The following HNRNPA1 variants were observed in gnomAD, a reference collection of about 807,000 sequenced individuals.
The protein encoded by HNRNPA1 is heterogeneous nuclear ribonucleoprotein A1, also known as epididymis secretory sperm binding protein.
Under a neutral mutation model 44.4 loss-of-function variants are expected in HNRNPA1, and 7 were observed. That is an observed-to-expected ratio of 0.16 (90% confidence interval 0.09 to 0.30). The LOEUF (loss-of-function observed/expected upper bound fraction) is 0.30, where lower values mean the gene tolerates loss of function less well. Ranked by LOEUF, HNRNPA1 falls within the 10% of genes least tolerant of loss-of-function variation. The probability of loss-of-function intolerance (pLI) is 1.00; values close to 1 mark genes in which losing one functional copy is unlikely to be tolerated. For missense variants in HNRNPA1, 193 were observed against 465.8 expected, an observed-to-expected ratio of 0.41 and a Z score of 5.39; for synonymous variants, 169 against 160.6, an observed-to-expected ratio of 1.05 and a Z score of -0.40.
Position 54,281,137 on chromosome 12 carries a change from T to C in HNRNPA1, c.16-249T>C, listed in dbSNP as rs1053289886. 4 of 700,190 alleles carry C rather than the reference T, an allele frequency of 5.7e-6. No individual in the cohort carries two copies. The East Asian group carries it at 1.1e-4, about 19-fold the overall frequency. The allele number at this position is 700,190 out of a possible 1,614,324, so 43.4% of individuals were successfully genotyped here. ...AGAGCGATTAGTCCCATTGTGGAGA[T>C]GCACCCCTACCGCCCAAGCCTTTGT... On this transcript the variant is annotated intron_variant, in intron 1 of 10. Coordinates refer to ENST00000340913, the MANE Select transcript of HNRNPA1 (RefSeq NM_031157.4).
In HNRNPA1 at chr12:54,282,879, G is replaced by GT. The variant is rs1230480290; in HGVS notation, c.751+11dup. The GT allele has an allele frequency of 2.6e-6, 4 of 1,548,898 alleles. No homozygotes were observed. In the South Asian group the frequency reaches 3.6e-5, roughly 14 times the overall value. ...ATAATGGATTTGGTAATGATGGTAA[G>GT]TTTTTTAGGAATAAGTAGAGAAAAA... On this transcript the variant is annotated splice_donor_region_variant and intron_variant, in intron 7 of 10. Transcript: ENST00000340913.
At chr12:54,283,380 T>A in intron 8 of HNRNPA1, 146 bp downstream of exon 8, 1 of 878,274 alleles carries the variant, frequency 1.1e-6, no homozygotes. Flanking sequence ...CTCCTAGCTT[T>A]AAGCTGGGGC....
chr12:54,283,753 G>A, intron 8 of HNRNPA1, 59 bp from the exon 9 acceptor site: 6 of 1,530,256 alleles, frequency 3.9e-6, no homozygotes, highest in Non-Finnish European at 5.4e-6. Context: ...CTGCTAAACA[G>A]AATTGGAAAC....
chr12:54,283,732 T>C (rs1264520543), intron 8 of HNRNPA1, 80 bp from the exon 9 acceptor site: 8 of 1,408,164 alleles, frequency 5.7e-6, no homozygotes, highest in Admixed American at 3.4e-5. Context: ...CTCAACCTTA[T>C]TTTATTCTGA....
rs1349240523 is a variant in HNRNPA1, at chr12:54,286,819, A to G, written c.*2275A>G. ...GACAAGCTGTACCTTAAACCAAAAC[A>G]CTTCGTAATCTCATCCAATTGCAAA... On this transcript the variant is annotated 3_prime_UTR_variant, in exon 11 of 11. Coordinates refer to ENST00000340913, the MANE Select transcript of HNRNPA1 (RefSeq NM_031157.4). 6.6e-6 allele frequency: 1 copy of G among 152,214 alleles called. No individual in the cohort carries two copies. 9.4% of individuals were successfully genotyped at this position (152,214 alleles called of 1,614,324 possible).
In HNRNPA1 at chr12:54,284,497, C is replaced by G. The variant is rs1180845280; in HGVS notation, c.*5-52C>G. 1.3e-4 allele frequency: 93 copies of G among 727,426 alleles called. 5 individuals are homozygous for G. In the South Asian group the frequency reaches 1.4e-3, roughly 11 times the overall value. The allele number at this position is 727,426 out of a possible 1,614,324, so 45.1% of individuals were successfully genotyped here. A position where few individuals can be genotyped will look rare whatever the true frequency, so the allele number is the denominator to read the frequency against. On this transcript the variant is annotated intron_variant, in intron 10 of 10. Coordinates refer to ENST00000340913, the MANE Select transcript of HNRNPA1 (RefSeq NM_031157.4). ...AACAAACTTGATATTGGATTGTAGC[C>G]TTGAGTCTTAATATGTTTAGATTAA...
chr12:54,282,933 G>A, intron 7 of HNRNPA1, 59 bp downstream of exon 7: 2 of 1,498,118 alleles, frequency 1.3e-6, no homozygotes, highest in Non-Finnish European at 1.8e-6. Context: ...TTTAGAATAG[G>A]TTAGTAGAGA....
At chr12:54,284,362 C>T (rs1322241695) in intron 10 of HNRNPA1, 45 bp downstream of exon 10, 6 of 1,500,578 alleles carry the variant, frequency 4.0e-6, no homozygotes, top group Non-Finnish European at 5.6e-6. Context: ...TTTTAAATTG[C>T]TGATGAACCC....
At chr12:54,284,514 T>C (rs1409476097) in intron 10 of HNRNPA1, 35 bp from the exon 11 acceptor site, 1 of 717,712 alleles carries the variant, frequency 1.4e-6, no homozygotes, top group Non-Finnish European at 2.5e-6. Flanking sequence ...CTTAATATGT[T>C]TAGATTAACA....
chr12:54,283,709 G>A lies in HNRNPA1; in HGVS notation c.908-103G>A, dbSNP rs983243025. The A allele has an allele frequency of 3.6e-6, 4 of 1,114,296 alleles. No individual in the cohort carries two copies. The Admixed American group carries it at 7.1e-5, about 20-fold the overall frequency. 69.0% of individuals were successfully genotyped at this position (1,114,296 alleles called of 1,614,324 possible). A position where few individuals can be genotyped will look rare whatever the true frequency, so the allele number is the denominator to read the frequency against. On this transcript the variant is annotated intron_variant, in intron 8 of 10. Transcript: ENST00000340913. ...TGGAGTCACCATAGTTTGGGAGAAA[G>A]GAAGGCTGATAACTCAACCTTATTT...
In HNRNPA1 at chr12:54,286,616, G is replaced by A. The variant is rs942662341; in HGVS notation, c.*2072G>A. ...AGGTATGGGGGGTTTAGCTTGAGAT[G>A]GGACTTGGTCTTAGAGCTAGTTCTA... is the stretch of plus-strand genomic sequence containing the variant. On this transcript the variant is annotated 3_prime_UTR_variant, in exon 11 of 11. Coordinates refer to ENST00000340913, the MANE Select transcript of HNRNPA1 (RefSeq NM_031157.4). The A allele has an allele frequency of 6.6e-6, 1 of 152,128 alleles. No individual in the cohort carries two copies. The highest frequency in any genetic ancestry group is 1.5e-5 in the Non-Finnish European group (1 of 68,028). 9.4% of individuals were successfully genotyped at this position (152,128 alleles called of 1,614,324 possible). A position where few individuals can be genotyped will look rare whatever the true frequency, so the allele number is the denominator to read the frequency against.
rs373072058 is a variant in HNRNPA1 at position 54,282,780 on chromosome 12, C to T, written c.677-20C>T. 56 of 1,561,090 alleles carry T rather than the reference C, an allele frequency of 3.6e-5. No homozygotes were observed. The highest frequency in any genetic ancestry group is 4.7e-5 in the Non-Finnish European group (54 of 1,151,534). On this transcript the variant is annotated intron_variant, in intron 6 of 10. Transcript: ENST00000340913. ...CTTTAAGTCCAAGTCATACTTAAAA[C>T]TTGAAACTTTTTCTTACAGGTGGCT...
chr12:54,284,395 A>G (rs1944234979), intron 10 of HNRNPA1, 78 bp downstream of exon 10: 3 of 1,183,314 alleles, frequency 2.5e-6, no homozygotes, highest in Admixed American at 1.7e-5. Flanking sequence ...GTAGCTGAGC[A>G]GTGCAACATA....
intron 9 of HNRNPA1, 39 bp from the exon 10 acceptor site, chr12:54,284,219 G>C (rs889652075): frequency 6.3e-7 from 1 of 1,593,582 alleles, no homozygotes; most frequent in African/African-American, 1.3e-5. Flanking sequence ...CATTACTGTT[G>C]GCACTTTGAA....
chr12:54,283,763 CTA>C (rs1565881467), intron 8 of HNRNPA1, 47 bp from the exon 9 acceptor site: 3 of 1,574,410 alleles, frequency 1.9e-6, no homozygotes, highest in Non-Finnish European at 2.6e-6. Flanking sequence ...GAATTGGAAA[CTA>C]ACATCATCCT....
chr12:54,283,677 C>T lies in HNRNPA1; in HGVS notation c.908-135C>T, dbSNP rs575174859. On this transcript the variant is annotated intron_variant, in intron 8 of 10. Transcript: ENST00000340913. Reference sequence around the variant, plus strand: ...AATGCCTTTCCCAGAGAATGAAATGCAAAGATTGGAGTCACCATAGTTTGG... The same window carrying T: ...AATGCCTTTCCCAGAGAATGAAATGTAAAGATTGGAGTCACCATAGTTTGG... 3 of 846,260 alleles carry T rather than the reference C, an allele frequency of 3.5e-6. 1 individual carries two copies. Among genetic ancestry groups the T allele is most frequent in the Middle Eastern group, 4.6e-4 (2 of 4,374 alleles). The allele number at this position is 846,260 out of a possible 1,614,324, so 52.4% of individuals were successfully genotyped here. A position where few individuals can be genotyped will look rare whatever the true frequency, so the allele number is the denominator to read the frequency against.
At position 54,281,805 on chromosome 12, in the gene HNRNPA1, A is replaced by C; in HGVS notation, c.143A>C (p.Asp48Ala). 1 of 1,611,478 alleles carries C rather than the reference A, an allele frequency of 6.2e-7. No homozygotes were observed. Among genetic ancestry groups the C allele is most frequent in the Non-Finnish European group, 8.5e-7 (1 of 1,179,468 alleles). The change falls in exon 3 of 11, where the codon GAT becomes GCT. Residue 48 changes from aspartate (D) to alanine (A), a missense_variant. By Grantham distance (126) the Asp-to-Ala change is moderately radical (BLOSUM62 -2). Coordinates refer to ENST00000340913, the MANE Select transcript of HNRNPA1 (RefSeq NM_031157.4). ...TAACACTGTTCTCAGGTAATGAGAG[A>C]TCCAAACACCAAGCGCTCCAGGGGC... ...GTLTDCVVMR[D>A]PNTKRSRGFG...
chr12:54,285,403 C>T lies in HNRNPA1; in HGVS notation c.*859C>T, dbSNP rs1032546016. 2.6e-5 allele frequency: 4 copies of T among 152,120 alleles called. No individual in the cohort carries two copies. The highest frequency in any genetic ancestry group is 1.3e-4 in the Admixed American group (2 of 15,264). 9.4% of individuals were successfully genotyped at this position (152,120 alleles called of 1,614,324 possible). On this transcript the variant is annotated 3_prime_UTR_variant, in exon 11 of 11. Coordinates refer to ENST00000340913, the MANE Select transcript of HNRNPA1 (RefSeq NM_031157.4). ...GCTGGCTAATGCCGCTCCATAAATCCGCAGATTTGAAGTGTCTGGGAGGCC... is the reference window on the plus strand; with the variant it reads ...GCTGGCTAATGCCGCTCCATAAATCTGCAGATTTGAAGTGTCTGGGAGGCC...
In HNRNPA1 at chr12:54,282,315, G is replaced by A. The variant is rs1944185925; in HGVS notation, c.490+15G>A. On this transcript the variant is annotated intron_variant, in intron 4 of 10. Coordinates refer to ENST00000340913, the MANE Select transcript of HNRNPA1 (RefSeq NM_031157.4). ...TAAGATTGTCAGTAAGTATCAGATA[G>A]TGGCATTTAGTAAGGGTTCCACAAT... 6.2e-7 allele frequency: 1 copy of A among 1,612,966 alleles called. No individual in the cohort carries two copies. The highest frequency in any genetic ancestry group is 8.5e-7 in the Non-Finnish European group (1 of 1,179,068).
Sources: gnomAD v4.1 joint callset for allele counts on GRCh38, gnomAD v4.1.1 for gene constraint, MANE v1.5 for transcripts, NCBI Gene and HGNC (gene_info 2026-07-23, HGNC 2026-07-21) for gene names.